Variants in ST7 observed in about 807,000 individuals in gnomAD.
ST7 encodes the protein suppression of tumorigenicity 7.
Under a neutral mutation model 78.7 loss-of-function variants are expected in ST7, and 28 were observed. The observed-to-expected ratio is 0.36, with a 90% CI of 0.26 to 0.49. ST7 has a LOEUF of 0.49. Among genes scored for constraint, ST7 ranks in the 20% least tolerant of loss-of-function variants. The pLI is 0.99. For synonymous variants in ST7, 247 were observed against 249.6 expected (o/e 0.99, Z 0.10); for missense variants, 418 against 696.0 (o/e 0.60, Z 4.49).
intron 1 of ST7, chr7:116,958,795 T>TA (rs1585041355): frequency 2.6e-6 from 1 of 381,936 alleles, no homozygotes; most frequent in African/African-American, 2.1e-5. Context: ...CCAATGTATA[T>TA]ACCTTAATTT....
intron 1 of ST7, among the ~76,000 whole-genome samples, chr7:117,066,523 A>T (rs1264169805): frequency 6.6e-6 from 1 of 152,116 alleles, no homozygotes; most frequent in African/African-American, 2.4e-5. Flanking sequence ...GCACCTTGGG[A>T]GGCTGAGGCA....
chr7:117,052,590 C>T lies in ST7; in HGVS notation c.152-47172C>T, dbSNP rs201701994. On this transcript the variant is annotated intron_variant, in intron 1 of 15. Transcript: ENST00000323984. ...TCCCAGTGCCAAGAAGTAACATTCT[C>T]TTCCAGTCTCTAAAAAATCTAGGGC... Among the ~76,000 whole-genome samples the T allele has an allele frequency of 2.6e-5, 4 of 152,236 alleles. No homozygotes were observed. The East Asian group carries it at 5.8e-4, about 22-fold the overall frequency.
At chr7:117,117,779 C>T (rs951137308) in intron 2 of ST7, 1 of 152,162 alleles carries the variant, frequency 6.6e-6, no homozygotes, top group African/African-American at 2.4e-5. Context: ...AAACCAACTG[C>T]AGCAGGCACC....
intron 9 of ST7, among the ~76,000 whole-genome samples, chr7:117,140,519 C>T (rs550991620): frequency 3.0e-4 from 46 of 152,006 alleles, no homozygotes; most frequent in Non-Finnish European, 5.3e-4. Flanking sequence ...GATTTTTCTC[C>T]GTTATATAAA....
At chr7:116,958,409 A>G (rs1272377895) in intron 1 of ST7, among the ~76,000 whole-genome samples, 1 of 151,982 alleles carries the variant, frequency 6.6e-6, no homozygotes, top group Non-Finnish European at 1.5e-5. Context: ...GCATTTTTTC[A>G]TGTTGAGAAT....
intron 1 of ST7, among the ~76,000 whole-genome samples, chr7:117,074,114 G>A (rs1215139514): frequency 6.6e-6 from 1 of 152,174 alleles, no homozygotes; most frequent in Non-Finnish European, 1.5e-5. Flanking sequence ...ATCTAGGCTG[G>A]GCATGGTAGC....
chr7:117,159,543 T>G (rs1806966877), intron 9 of ST7, among the ~76,000 whole-genome samples: 1 of 152,178 alleles, frequency 6.6e-6, no homozygotes, highest in South Asian at 2.1e-4. Context: ...TGTTTAAAGA[T>G]TTATTTAGAA....
intron 13 of ST7, among the ~76,000 whole-genome samples, chr7:117,211,540 A>G (rs1175113751): frequency 1.3e-5 from 2 of 152,190 alleles, no homozygotes; most frequent in Non-Finnish European, 2.9e-5. Flanking sequence ...TGGCTTACCA[A>G]ATTTTTGTAG....
chr7:117,123,762 T>C (rs1803598491), intron 3 of ST7, among the ~76,000 whole-genome samples: 1 of 152,170 alleles, frequency 6.6e-6, no homozygotes, highest in Non-Finnish European at 1.5e-5. Flanking sequence ...TAATTTGCCT[T>C]GTTCTCAAAT....
At chr7:116,976,976 C>T (rs973217957) in intron 1 of ST7, among the ~76,000 whole-genome samples, 1 of 152,096 alleles carries the variant, frequency 6.6e-6, no homozygotes, top group Non-Finnish European at 1.5e-5. Flanking sequence ...TAGTTTTAGC[C>T]TCCACTCTAA....
chr7:117,220,947 G>T (rs1793040793), intron 14 of ST7, among the ~76,000 whole-genome samples: 1 of 152,240 alleles, frequency 6.6e-6, no homozygotes, highest in Admixed American at 6.5e-5. Flanking sequence ...TAGAGGAAAG[G>T]CCTCTAGATC....
chr7:117,125,593 A>G (rs1385031431), intron 3 of ST7, among the ~76,000 whole-genome samples: 2 of 152,060 alleles, frequency 1.3e-5, no homozygotes, highest in Non-Finnish European at 2.9e-5. Flanking sequence ...ATTGCTTTAA[A>G]TTGATCTGAA....
In ST7 at chr7:117,136,184, C is replaced by T. The variant is rs1804774327; in HGVS notation, c.814C>T (p.Arg272Ter). 6.2e-7 allele frequency: 1 copy of T among 1,613,538 alleles called. No homozygotes were observed. Among genetic ancestry groups the T allele is most frequent in the Non-Finnish European group, 8.5e-7 (1 of 1,179,672 alleles). ...QALKAGDGCYRRSQQLQHHGS... is the reference protein window; with the variant it reads ...QALKAGDGCY ...CCTGAAGGCTGGAGATGGCTGTTAC[C>T]GACGCTCTCAGCAGCTACAACATCA... The change falls in exon 8 of 16, where the codon CGA (arginine) becomes TGA (stop). Residue 272 changes from arginine (R) to a stop codon, truncating the protein, a stop_gained. Coordinates refer to ENST00000323984, the MANE Select transcript of ST7 (RefSeq NM_001369598.1). LOFTEE classifies it high-confidence loss of function.
At chr7:117,152,957 G>T (rs769597807) in intron 9 of ST7, among the ~76,000 whole-genome samples, 1 of 152,120 alleles carries the variant, frequency 6.6e-6, no homozygotes, top group Non-Finnish European at 1.5e-5. Context: ...TTCGGTAATG[G>T]AGAGACACAG....
chr7:117,097,612 C>G (rs1199049425), intron 1 of ST7, among the ~76,000 whole-genome samples: 1 of 151,600 alleles, frequency 6.6e-6, no homozygotes, highest in African/African-American at 2.4e-5. Context: ...GCTTGAGCCA[C>G]TATGCCTGGC....
intron 9 of ST7, among the ~76,000 whole-genome samples, chr7:117,147,420 T>C (rs978357568): frequency 7.2e-5 from 11 of 152,196 alleles, no homozygotes; most frequent in African/African-American, 2.7e-4. Context: ...TACCTGACTA[T>C]GCCCATGTAT....
chr7:117,071,829 C>A (rs558223131), intron 1 of ST7, among the ~76,000 whole-genome samples: 8 of 152,310 alleles, frequency 5.3e-5, no homozygotes, highest in African/African-American at 1.9e-4. Flanking sequence ...ATACAAAACT[C>A]TATGCTATTT....
chr7:116,977,540 T>C (rs1048012631), intron 1 of ST7, among the ~76,000 whole-genome samples: 2 of 152,164 alleles, frequency 1.3e-5, no homozygotes, highest in Non-Finnish European at 2.9e-5. Flanking sequence ...GTGGTAGTAT[T>C]TTTTTATGTT....
At chr7:117,026,638 T>A (rs1401885099) in intron 1 of ST7, among the ~76,000 whole-genome samples, 3 of 152,232 alleles carry the variant, frequency 2.0e-5, no homozygotes, top group Non-Finnish European at 2.9e-5. Flanking sequence ...GGCTTTCACT[T>A]GCTTGGATTC....
Sources: gnomAD v4.1 joint callset for allele counts (sites outside exome capture counted in the v4.1 genomes callset) on GRCh38, gnomAD v4.1.1 for gene constraint, MANE v1.5 for transcripts, NCBI Gene and HGNC (gene_info 2026-07-23, HGNC 2026-07-21) for gene names.